The following DLG2 variants were observed in gnomAD, a reference collection of about 807,000 sequenced individuals.
DLG2 encodes discs large MAGUK scaffold protein 2.
In DLG2, 45 loss-of-function variants were observed where a neutral mutation model predicts 132.5. The observed-to-expected ratio is 0.34, with a 90% CI of 0.27 to 0.44. The LOEUF is 0.44. Among genes scored for constraint, DLG2 ranks in the 20% least tolerant of loss-of-function variants. DLG2 has a pLI of 1.00. For missense variants in DLG2, 1,045 were observed against 1,196.9 expected (o/e 0.87, Z 1.87); for synonymous variants, 424 against 419.6 (o/e 1.01, Z -0.13).
At chr11:85,009,051 T>C (rs1433474907) in intron 6 of DLG2, among the ~76,000 whole-genome samples, 1 of 151,940 alleles carries the variant, frequency 6.6e-6, no homozygotes, top group African/African-American at 2.4e-5. Context: ...GAAATAGGCC[T>C]GTAGAACTGA....
chr11:85,057,831 G>C (rs10898352), intron 6 of DLG2, among the ~76,000 whole-genome samples: 14,528 of 151,090 alleles, frequency 0.096, 969 homozygotes, highest in Non-Finnish European at 0.14. Flanking sequence ...ACCACATTAA[G>C]AGACAAAAAG....
intron 6 of DLG2, among the ~76,000 whole-genome samples, chr11:84,925,950 G>T (rs907124899): frequency 2.0e-5 from 3 of 152,114 alleles, no homozygotes; most frequent in African/African-American, 7.2e-5. Flanking sequence ...TGCAAGAAAA[G>T]ATAGACAATT....
chr11:84,015,122 C>T (rs1316435700), intron 11 of DLG2, among the ~76,000 whole-genome samples: 5 of 152,024 alleles, frequency 3.3e-5, no homozygotes, highest in Admixed American at 3.3e-4. Context: ...AAATAAGTGT[C>T]AAAACATATT....
rs1174244081 is a variant in DLG2, at chr11:83,874,438, C to A, written c.1547G>T (p.Arg516Leu). 1 of 1,598,422 alleles carries A rather than the reference C, an allele frequency of 6.3e-7. No homozygotes were observed. Among genetic ancestry groups the A allele is most frequent in the Non-Finnish European group, 8.5e-7 (1 of 1,170,618 alleles). The part of the protein sequence containing the change: ...ATRQPSMTLQ[R>L]AVSLEGEPRK... Reference sequence around the variant, plus strand: ...ATCTTACCCTTCCAGGGAGACGGCCCGTTGGAGAGTCATTGAAGGCTGACG... The same window carrying A: ...ATCTTACCCTTCCAGGGAGACGGCCAGTTGGAGAGTCATTGAAGGCTGACG... The change falls in exon 16 of 28, where the codon CGG becomes CTG. Residue 516 changes from arginine (R) to leucine (L), a missense_variant. By Grantham distance (102) the Arg-to-Leu change is moderately radical (BLOSUM62 -2). This residue lies in a region of DLG2 where 261 missense variants were observed against 256.1 expected (regional missense o/e 1.02). Coordinates refer to ENST00000376104, the MANE Select transcript of DLG2 (RefSeq NM_001142699.3).
chr11:84,326,342 C>T (rs1354379355), intron 7 of DLG2, among the ~76,000 whole-genome samples: 1 of 151,802 alleles, frequency 6.6e-6, no homozygotes, highest in Admixed American at 6.6e-5. Context: ...GATCTTTCTT[C>T]CTTTTAAATG....
intron 6 of DLG2, among the ~76,000 whole-genome samples, chr11:84,658,950 A>G (rs984485032): frequency 1.3e-5 from 2 of 152,182 alleles, no homozygotes; most frequent in Admixed American, 1.3e-4. Context: ...ATGGCCATCT[A>G]TGAATCAGGA....
chr11:84,589,571 TA>T (rs974339383), intron 6 of DLG2, among the ~76,000 whole-genome samples: 2 of 151,884 alleles, frequency 1.3e-5, no homozygotes, highest in African/African-American at 4.8e-5. Flanking sequence ...GGTTAAACAT[TA>T]AAAAAAAGAA....
intron 15 of DLG2, among the ~76,000 whole-genome samples, chr11:83,907,253 C>T (rs1351417814): frequency 1.3e-5 from 2 of 152,078 alleles, no homozygotes; most frequent in Non-Finnish European, 2.9e-5. Flanking sequence ...AGTTAATCAC[C>T]AAACACTTAC....
At chr11:84,499,290 C>T (rs757214127) in intron 7 of DLG2, among the ~76,000 whole-genome samples, 50 of 152,154 alleles carry the variant, frequency 3.3e-4, no homozygotes, top group Non-Finnish European at 6.3e-4. Flanking sequence ...TATTAAGTGC[C>T]TAACATAATC....
At chr11:84,551,287 G>A (rs2099401311) in intron 6 of DLG2, among the ~76,000 whole-genome samples, 1 of 152,016 alleles carries the variant, frequency 6.6e-6, no homozygotes, top group Non-Finnish European at 1.5e-5. Flanking sequence ...AATGCCTTTT[G>A]GAAATAATAA....
At chr11:84,652,249 G>A (rs2099682945) in intron 6 of DLG2, among the ~76,000 whole-genome samples, 1 of 152,144 alleles carries the variant, frequency 6.6e-6, no homozygotes. Flanking sequence ...CTGTTTGTGT[G>A]TGTGTGTTTC....
At chr11:84,272,956 T>A (rs2097746641) in intron 7 of DLG2, among the ~76,000 whole-genome samples, 1 of 152,148 alleles carries the variant, frequency 6.6e-6, no homozygotes, top group Non-Finnish European at 1.5e-5. Flanking sequence ...TTCTCACCGA[T>A]TAATGCTTGG....
At chr11:85,466,077 T>A (rs1175218211) in intron 3 of DLG2, among the ~76,000 whole-genome samples, 1 of 152,266 alleles carries the variant, frequency 6.6e-6, no homozygotes, top group East Asian at 1.9e-4. Context: ...CATGTTTTCA[T>A]GTGTCTTTTG....
chr11:84,056,076 T>C (rs2096493288), intron 11 of DLG2, among the ~76,000 whole-genome samples: 2 of 152,060 alleles, frequency 1.3e-5, no homozygotes, highest in South Asian at 4.1e-4. Context: ...TTTTTTTTCT[T>C]TTAAAGTTCT....
At chr11:84,808,909 A>C (rs10898299) in intron 6 of DLG2, among the ~76,000 whole-genome samples, 43,211 of 151,740 alleles carry the variant, frequency 0.28, 6,595 homozygotes, top group Middle Eastern at 0.33. Context: ...ATTTGATACA[A>C]TCTTTTACAG....
chr11:83,797,416 T>C lies in DLG2; in HGVS notation c.1723-10624A>G, dbSNP rs140584776. 2.4e-3 allele frequency among the ~76,000 whole-genome samples: 368 copies of C among 152,130 alleles called. 4 individuals carry two copies. The highest frequency in any genetic ancestry group is 8.3e-3 in the African/African-American group (345 of 41,536). ...ACAGAGGTGGTAACTGAGGCACAGA[T>C]TAAGTAACTTGTCCGAGGGTACATT... is the stretch of plus-strand genomic sequence containing the variant. On this transcript the variant is annotated intron_variant, in intron 17 of 27. Coordinates refer to ENST00000376104, the MANE Select transcript of DLG2 (RefSeq NM_001142699.3).
chr11:85,099,506 A>T (rs969266810), intron 6 of DLG2, among the ~76,000 whole-genome samples: 2 of 152,216 alleles, frequency 1.3e-5, no homozygotes, highest in East Asian at 1.9e-4. Flanking sequence ...TAAACATTTT[A>T]AAAAGTCTGT....
intron 15 of DLG2, among the ~76,000 whole-genome samples, chr11:83,909,197 T>C (rs981981004): frequency 2.6e-5 from 4 of 152,216 alleles, no homozygotes; most frequent in Non-Finnish European, 4.4e-5. Context: ...ACCCTTGTTC[T>C]AGTAGGGCAT....
intron 7 of DLG2, among the ~76,000 whole-genome samples, chr11:84,526,905 A>C (rs1214639479): frequency 6.6e-6 from 1 of 151,224 alleles, no homozygotes; most frequent in Non-Finnish European, 1.5e-5. Context: ...CAGCCTCCCG[A>C]GTAGCTGGGA....
Sources: gnomAD v4.1 joint callset for allele counts (sites outside exome capture counted in the v4.1 genomes callset) on GRCh38, gnomAD v4.1.1 for gene constraint, gnomAD v4.1.1 regional missense constraint, MANE v1.5 for transcripts, NCBI Gene and HGNC (gene_info 2026-07-23, HGNC 2026-07-21) for gene names.